UBXN8: variants seen among roughly 807,000 people sequenced by gnomAD.
UBXN8 encodes UBX domain-containing protein 8.
In UBXN8, 27 loss-of-function variants were observed where a neutral mutation model predicts 32.1. That is an observed-to-expected ratio of 0.84 (90% CI 0.62 to 1.16). The LOEUF is 1.16. Ranked by LOEUF, UBXN8 falls within the 50% of genes most tolerant of loss-of-function variation. The pLI is 0.00. For missense variants in UBXN8, 306 were observed against 311.4 expected (o/e 0.98, Z 0.13); for synonymous variants, 109 against 111.8 (o/e 0.98, Z 0.16).
chr8:30,740,430 C>T (rs569763594), upstream of UBXN8, among the ~76,000 whole-genome samples: 6 of 143,546 alleles, frequency 4.2e-5, no homozygotes, highest in Non-Finnish European at 6.0e-5. Context: ...AGGCCAGGCG[C>T]GGTGGTTCAC....
intron 5 of UBXN8, among the ~76,000 whole-genome samples, chr8:30,758,004 T>G (rs1805709217): frequency 6.6e-6 from 1 of 151,934 alleles, no homozygotes. Context: ...CTCACCATTC[T>G]CCTGCCTCAG....
At chr8:30,729,360 C>T (rs1468902091), upstream of UBXN8, among the ~76,000 whole-genome samples, 1 of 152,210 alleles carries the variant, frequency 6.6e-6, no homozygotes, top group African/African-American at 2.4e-5. Context: ...GACTGGTCTT[C>T]GGAACTTGCC....
upstream of UBXN8, chr8:30,732,264 C>T (rs1040161038): frequency 2.5e-6 from 1 of 396,118 alleles, no homozygotes; most frequent in Non-Finnish European, 4.5e-6. Context: ...TGCTGGGACA[C>T]CCCACGGCAG....
intron 1 of UBXN8, among the ~76,000 whole-genome samples, chr8:30,745,657 C>T (rs1194015645): frequency 6.6e-6 from 1 of 152,210 alleles, no homozygotes; most frequent in Non-Finnish European, 1.5e-5. Flanking sequence ...TATAACAAGA[C>T]CTTTATCCAA....
intron 4 of UBXN8, among the ~76,000 whole-genome samples, chr8:30,755,089 G>A (rs1805621089): frequency 6.6e-6 from 1 of 151,720 alleles, no homozygotes; most frequent in South Asian, 2.1e-4. Flanking sequence ...CCGAGTAGCT[G>A]GGACTACAGG....
At position 30,756,833 on chromosome 8, in the gene UBXN8, G is replaced by GC. The variant is rs779986929; in HGVS notation, c.476dup (p.Lys160Ter). ...GAGAAGCAGCAAAGAGCCAGAACTT[G>GC]CCTAAACCTTTAACTGAATTTCCGT... is the stretch of plus-strand genomic sequence containing the variant. On this transcript the variant is annotated frameshift_variant, in exon 5 of 8. Coordinates refer to ENST00000265616, the MANE Select transcript of UBXN8 (RefSeq NM_005671.4). LOFTEE classifies it high-confidence loss of function. 1 of 1,614,028 alleles carries GC rather than the reference G, an allele frequency of 6.2e-7. No individual in the cohort carries two copies. The highest frequency in any genetic ancestry group is 8.5e-7 in the Non-Finnish European group (1 of 1,179,896).
At chr8:30,754,603 C>T in intron 3 of UBXN8, 62 bp from the exon 4 acceptor site, 30 of 1,501,722 alleles carry the variant, frequency 2.0e-5, no homozygotes, top group Non-Finnish European at 2.6e-5. Context: ...ACTTTATAGA[C>T]AGTGTACATT....
At position 30,754,675 on chromosome 8, in the gene UBXN8, AC is replaced by A. The variant is rs759875648; in HGVS notation, c.294del (p.Tyr98Ter). On this transcript the variant is annotated frameshift_variant, in exon 4 of 8. Coordinates refer to ENST00000265616, the MANE Select transcript of UBXN8 (RefSeq NM_005671.4). LOFTEE classifies it high-confidence loss of function. ...TGTTGTTTTCAACAGGCCAGCAGAT[AC>A]ATAGAGAATGTTTTAAAACCTCACC... ...QEAQGEKASR[Y>X]IENVLKPHQE... The A allele has an allele frequency of 6.4e-7, 1 of 1,552,318 alleles. No individual in the cohort carries two copies. The highest frequency in any genetic ancestry group is 2.4e-5 in the Admixed American group (1 of 42,328).
intron 1 of UBXN8, among the ~76,000 whole-genome samples, chr8:30,738,629 C>G (rs1563555269): frequency 6.9e-6 from 1 of 143,936 alleles, no homozygotes; most frequent in African/African-American, 2.7e-5. Context: ...CCACTGCACT[C>G]CAGCCTGGGC....
chr8:30,760,210 C>T (rs1258099882), intron 5 of UBXN8, among the ~76,000 whole-genome samples: 1 of 76,502 alleles, frequency 1.3e-5, no homozygotes, highest in Non-Finnish European at 2.5e-5. Context: ...TTATGGGCAC[C>T]CGCCATCATG....
intron 1 of UBXN8, among the ~76,000 whole-genome samples, chr8:30,750,504 G>C (rs1805490751): frequency 6.6e-6 from 1 of 151,178 alleles, no homozygotes. Context: ...CGGGCACGGT[G>C]GCTCACGCTT....
At chr8:30,765,047 C>CA (rs1260789249) in intron 7 of UBXN8, among the ~76,000 whole-genome samples, 7 of 152,086 alleles carry the variant, frequency 4.6e-5, no homozygotes, top group South Asian at 2.1e-4. Context: ...GACTCCATCA[C>CA]AAAAAACAAA....
intron 6 of UBXN8, 82 bp downstream of exon 6, chr8:30,761,011 C>A (rs534637991): frequency 3.9e-6 from 4 of 1,038,338 alleles, no homozygotes; most frequent in Non-Finnish European, 5.5e-6. Context: ...CTTATCTAAA[C>A]TTGGGTTTAG....
upstream of UBXN8, among the ~76,000 whole-genome samples, chr8:30,729,951 C>T (rs564809384): frequency 4.6e-5 from 7 of 152,032 alleles, no homozygotes; most frequent in South Asian, 2.1e-4. Flanking sequence ...GGAAGGATCC[C>T]GCTCCACCCA....
At position 30,766,270 on chromosome 8, in the gene UBXN8, T is replaced by C. The variant is rs1432811820; in HGVS notation, c.689T>C (p.Leu230Pro). ...ACGAGAATTGGGTACCACATATCTC[T>C]ATACAGCCTTTCTACTTCCTTTCCC... ...WMTRIGYHISLYSLSTSFPRR... is the reference protein window; with the variant it reads ...WMTRIGYHISPYSLSTSFPRR... The change falls in exon 8 of 8, where the codon CTA becomes CCA. Residue 230 changes from leucine to proline, a missense_variant. Coordinates refer to ENST00000265616, the MANE Select transcript of UBXN8 (RefSeq NM_005671.4). 1 of 1,613,726 alleles carries C rather than the reference T, an allele frequency of 6.2e-7. No individual in the cohort carries two copies. The highest frequency in any genetic ancestry group is 8.5e-7 in the Non-Finnish European group (1 of 1,179,788).
chr8:30,750,590 G>A (rs567904131), intron 1 of UBXN8, among the ~76,000 whole-genome samples: 32 of 152,036 alleles, frequency 2.1e-4, no homozygotes, highest in African/African-American at 7.2e-4. Context: ...GGCTAACATG[G>A]TGAAACCCCG....
upstream of UBXN8, chr8:30,732,342 G>GA: frequency 2.5e-6 from 1 of 398,222 alleles, no homozygotes; most frequent in South Asian, 1.3e-4. Context: ...AGGTGTCCAA[G>GA]AAAAAAAGCT....
Position 30,753,085 on chromosome 8 carries a change from C to G in UBXN8, c.262C>G (p.Gln88Glu), listed in dbSNP as rs541458674. 9 of 1,524,006 alleles carry G rather than the reference C, an allele frequency of 5.9e-6. No homozygotes were observed. Among genetic ancestry groups the G allele is most frequent in the African/African-American group, 1.4e-5 (1 of 71,702 alleles). 94.4% of individuals were successfully genotyped at this position (1,524,006 alleles called of 1,614,324 possible). ...KRQKLVRKKQ[Q>E]EAQGEKASRY... Reference sequence around the variant, plus strand: ...ACAAAAACTTGTGAGAAAAAAACAACAAGAAGCACAAGGAGAGAAGGTAAG... The same window carrying G: ...ACAAAAACTTGTGAGAAAAAAACAAGAAGAAGCACAAGGAGAGAAGGTAAG... The change falls in exon 3 of 8, where the codon CAA becomes GAA. Residue 88 changes from glutamine to glutamate, a missense_variant. By Grantham distance (29) the Gln-to-Glu change is conservative. Coordinates refer to ENST00000265616, the MANE Select transcript of UBXN8 (RefSeq NM_005671.4).
Position 30,766,353 on chromosome 8 carries a change from G to A in UBXN8, c.772G>A (p.Asp258Asn). The change falls in exon 8 of 8, where the codon GAC becomes AAC. Residue 258 changes from aspartate to asparagine, a missense_variant. Physicochemically the swap from Asp to Asn is conservative, Grantham distance 23. Coordinates refer to ENST00000265616, the MANE Select transcript of UBXN8 (RefSeq NM_005671.4). ...GCTGGAGGACATAGGAATAACTGTG[G>A]ACACTGTACTCATCCTGGAGGAGAA... Reference protein sequence around the residue: ...QSLEDIGITVDTVLILEEKEQ... With the variant: ...QSLEDIGITVNTVLILEEKEQ... The A allele has an allele frequency of 6.2e-7, 1 of 1,613,018 alleles. No individual in the cohort carries two copies. Among genetic ancestry groups the A allele is most frequent in the Non-Finnish European group, 8.5e-7 (1 of 1,179,440 alleles).
Sources: allele counts gnomAD v4.1 joint callset (sites outside exome capture counted in the v4.1 genomes callset), GRCh38; gene constraint gnomAD v4.1.1; transcripts MANE v1.5; gene names NCBI Gene and HGNC (gene_info 2026-07-23, HGNC 2026-07-21).